The following GSPT1 variants were observed in gnomAD, a reference collection of about 807,000 sequenced individuals.
The protein encoded by GSPT1 is eukaryotic peptide chain release factor GTP-binding subunit ERF3A.
Under a neutral mutation model 72.5 loss-of-function variants are expected in GSPT1, and 20 were observed. The ratio of observed to expected loss-of-function variants is 0.28; its 90% CI spans 0.19 to 0.40. GSPT1 has a LOEUF of 0.40. Among genes scored for constraint, GSPT1 ranks in the 10% least tolerant of loss-of-function variants. The pLI is 1.00. For synonymous variants in GSPT1, 334 were observed against 293.5 expected (o/e 1.14, Z -1.41); for missense variants, 580 against 811.9 (o/e 0.71, Z 3.47).
rs933816763 is a variant in GSPT1 at position 11,895,158 on chromosome 16, C to G, written c.665-171G>C. 28 of 524,298 alleles carry G rather than the reference C, an allele frequency of 5.3e-5. No individual in the cohort carries two copies. In the Admixed American group the frequency reaches 8.5e-4, roughly 16 times the overall value. The allele number at this position is 524,298 out of a possible 1,614,324, so 32.5% of individuals were successfully genotyped here. A position where few individuals can be genotyped will look rare whatever the true frequency, so the allele number is the denominator to read the frequency against. ...TGAAAATGAGCCTCAAGGCTGGGCT[C>G]GGTGGCTCACGCCTGTAATTCCAGC... On this transcript the variant is annotated intron_variant, in intron 4 of 14. Coordinates refer to ENST00000434724, the MANE Select transcript of GSPT1 (RefSeq NM_002094.4).
chr16:11,907,641 G>C (rs2054505732), intron 1 of GSPT1, among the ~76,000 whole-genome samples: 1 of 152,184 alleles, frequency 6.6e-6, no homozygotes, highest in Non-Finnish European at 1.5e-5. Flanking sequence ...TGATGTGGCA[G>C]ATCAAGCACT....
intron 4 of GSPT1, among the ~76,000 whole-genome samples, 180 bp downstream of exon 4, chr16:11,896,378 G>A (rs1042537973): frequency 2.0e-5 from 3 of 152,032 alleles, no homozygotes; most frequent in Admixed American, 6.6e-5. Context: ...TTATTCATTT[G>A]CCTAAACTTC....
Position 11,872,597 on chromosome 16 carries a change from T to A in GSPT1, c.*522A>T, listed in dbSNP as rs2053991236. On this transcript the variant is annotated 3_prime_UTR_variant, in exon 15 of 15. Coordinates refer to ENST00000434724, the MANE Select transcript of GSPT1 (RefSeq NM_002094.4). ...AAGTAATAAAATGTATTCAATTACT[T>A]GGGAAAGTTAAAAAGCTAATGCAAC... The A allele has an allele frequency of 6.6e-6, 1 of 152,196 alleles. No individual in the cohort carries two copies. The highest frequency in any genetic ancestry group is 6.5e-5 in the Admixed American group (1 of 15,276). 9.4% of individuals were successfully genotyped at this position (152,196 alleles called of 1,614,324 possible). A position where few individuals can be genotyped will look rare whatever the true frequency, so the allele number is the denominator to read the frequency against.
intron 14 of GSPT1, among the ~76,000 whole-genome samples, chr16:11,874,976 G>A (rs934981314): frequency 3.3e-5 from 5 of 152,202 alleles, no homozygotes; most frequent in African/African-American, 1.2e-4. Context: ...CGGATCACGA[G>A]GTCAGGAGAT....
At chr16:11,879,738 C>CAAAAAAAAAAAA (rs1195456490) in intron 11 of GSPT1, among the ~76,000 whole-genome samples, 2 of 84,308 alleles carry the variant, frequency 2.4e-5, no homozygotes, top group Non-Finnish European at 5.1e-5. Flanking sequence ...GACTCCGTCT[C>CAAAAAAAAAAAA]AAAAAAAAAA....
chr16:11,880,167 G>A (rs2054104377), intron 11 of GSPT1: 1 of 152,556 alleles, frequency 6.6e-6, no homozygotes, highest in Admixed American at 6.5e-5. Flanking sequence ...GCCTGTGTCA[G>A]AACTTCCTTT....
At chr16:11,900,165 C>G (rs1054761028) in intron 1 of GSPT1, among the ~76,000 whole-genome samples, 2 of 151,924 alleles carry the variant, frequency 1.3e-5, no homozygotes, top group Non-Finnish European at 2.9e-5. Flanking sequence ...AAAACCCTGT[C>G]TCTACTGAAA....
At chr16:11,916,482 C>T (rs776251486), upstream of GSPT1, among the ~76,000 whole-genome samples, 26 of 152,242 alleles carry the variant, frequency 1.7e-4, no homozygotes, top group Admixed American at 3.3e-4. Context: ...GCGTTCTCTG[C>T]CTCACAGTCT....
intron 1 of GSPT1, chr16:11,908,259 A>G (rs1226571691): frequency 6.6e-6 from 1 of 152,136 alleles, no homozygotes; most frequent in Admixed American, 6.6e-5. Flanking sequence ...AAAAGAAACA[A>G]AAAACCATTT....
chr16:11,899,915 G>T (rs1350849637), intron 1 of GSPT1, among the ~76,000 whole-genome samples: 9 of 152,146 alleles, frequency 5.9e-5, no homozygotes, highest in Non-Finnish European at 1.2e-4. Flanking sequence ...TGAGAGGATT[G>T]TTGAGGAGTT....
chr16:11,875,998 G>A (rs1473054867), intron 13 of GSPT1, 69 bp from the exon 14 acceptor site: 1 of 1,490,576 alleles, frequency 6.7e-7, no homozygotes, highest in African/African-American at 1.4e-5. Flanking sequence ...AACAGGTGTA[G>A]AAATAAAAGT....
In GSPT1 at chr16:11,915,675, C is replaced by A; in HGVS notation, c.46G>T (p.Gly16Trp). The A allele has an allele frequency of 1.2e-6, 1 of 828,178 alleles. No homozygotes were observed. Among genetic ancestry groups the A allele is most frequent in the Non-Finnish European group, 1.6e-6 (1 of 631,712 alleles). 51.3% of individuals were successfully genotyped at this position (828,178 alleles called of 1,614,324 possible). ...CTGCTGCTGCTGCCGCTGCTGCTCCCGCCGCCGCCGCCGCCGCCGCCGCCG... is the reference window on the plus strand; with the variant it reads ...CTGCTGCTGCTGCCGCTGCTGCTCCAGCCGCCGCCGCCGCCGCCGCCGCCG... The part of the protein sequence containing the change: ...GGGGGGGGGG[G>W]SSSGSSSSDS... The change falls in exon 1 of 15, where the codon GGG becomes TGG. Residue 16 changes from glycine (G) to tryptophan (W), a missense_variant. Gly to Trp is a radical substitution (Grantham distance 184). This residue lies in a region of GSPT1 where 327 missense variants were observed against 298.8 expected (regional missense o/e 1.09). Coordinates refer to ENST00000434724, the MANE Select transcript of GSPT1 (RefSeq NM_002094.4).
At position 11,877,757 on chromosome 16, in the gene GSPT1, G is replaced by T. The variant is rs1025379161; in HGVS notation, c.1429-177C>A. ...GATCAGCAAAAATCATATCCTAGAA[G>T]TATAACTGCCAATTAAAGTATTAAC... On this transcript the variant is annotated intron_variant, in intron 11 of 14. Coordinates refer to ENST00000434724, the MANE Select transcript of GSPT1 (RefSeq NM_002094.4). This position sits in a 1 kb window ranked among gnomAD's most constrained non-coding sequence, Gnocchi z 4.0. 2.0e-5 allele frequency among the ~76,000 whole-genome samples: 3 copies of T among 152,194 alleles called. No homozygotes were observed. Among genetic ancestry groups the T allele is most frequent in the African/African-American group, 4.8e-5 (2 of 41,452 alleles).
chr16:11,907,190 AAC>A (rs2054500511), intron 1 of GSPT1, among the ~76,000 whole-genome samples: 1 of 152,246 alleles, frequency 6.6e-6, no homozygotes, highest in African/African-American at 2.4e-5. Flanking sequence ...ACTGAGACAG[AAC>A]ACAGAGAAAT....
Position 11,894,996 on chromosome 16 carries a change from A to T in GSPT1, c.665-9T>A. On this transcript the variant is annotated splice_polypyrimidine_tract_variant and intron_variant, in intron 4 of 14. Coordinates refer to ENST00000434724, the MANE Select transcript of GSPT1 (RefSeq NM_002094.4). Reference sequence around the variant, plus strand: ...GGTTGACTTGCCAGCATCTAAAAGTAACATCAACATGCAAACCATAGGTTA... The same window carrying T: ...GGTTGACTTGCCAGCATCTAAAAGTTACATCAACATGCAAACCATAGGTTA... 6.3e-7 allele frequency: 1 copy of T among 1,580,982 alleles called. No homozygotes were observed. The highest frequency in any genetic ancestry group is 8.6e-7 in the Non-Finnish European group (1 of 1,156,418).
rs528558942 is a variant in GSPT1, at chr16:11,877,027, A to T, written c.1602+380T>A. Reference sequence around the variant, plus strand: ...TTCTCCCAGGGAGGTTAGATTGTTAATAACAGGGAAACCTGTGTGATTTCT... The same window carrying T: ...TTCTCCCAGGGAGGTTAGATTGTTATTAACAGGGAAACCTGTGTGATTTCT... On this transcript the variant is annotated intron_variant, in intron 12 of 14. Transcript: ENST00000434724. The surrounding 1 kb of genome is among the most constrained non-coding windows in gnomAD (Gnocchi z 4.0). 1.3e-5 allele frequency among the ~76,000 whole-genome samples: 2 copies of T among 152,358 alleles called. No homozygotes were observed. The highest frequency in any genetic ancestry group is 4.8e-5 in the African/African-American group (2 of 41,586).
At chr16:11,895,904 C>T (rs927778185) in intron 4 of GSPT1, among the ~76,000 whole-genome samples, 7 of 152,326 alleles carry the variant, frequency 4.6e-5, no homozygotes, top group East Asian at 1.9e-4. Flanking sequence ...GGATTACAGG[C>T]GCCAGCCACA....
In GSPT1 at chr16:11,915,648, C is replaced by CGCTGCT. The variant is rs1243988404; in HGVS notation, c.67_72dup (p.Ser23_Ser24dup). The CGCTGCT allele has an allele frequency of 2.3e-5, 34 of 1,483,254 alleles. No homozygotes were observed. The highest frequency in any genetic ancestry group is 2.9e-5 in the Non-Finnish European group (33 of 1,120,872). The allele number at this position is 1,483,254 out of a possible 1,614,324, so 91.9% of individuals were successfully genotyped here. A position where few individuals can be genotyped will look rare whatever the true frequency, so the allele number is the denominator to read the frequency against. ...TGGTCCCAGCAGTCAGGCGCCGAGT[C>CGCTGCT]GCTGCTGCTGCTGCCGCTGCTGCTC... On this transcript the variant is annotated inframe_insertion, in exon 1 of 15. Coordinates refer to ENST00000434724, the MANE Select transcript of GSPT1 (RefSeq NM_002094.4).
At chr16:11,902,801 G>A (rs1034133346) in intron 1 of GSPT1, among the ~76,000 whole-genome samples, 1 of 151,876 alleles carries the variant, frequency 6.6e-6, no homozygotes, top group Non-Finnish European at 1.5e-5. Context: ...TTGCCAGGCT[G>A]GTCTCAAACT....
Sources: gnomAD v4.1 joint callset for allele counts (sites outside exome capture counted in the v4.1 genomes callset) on GRCh38, gnomAD v4.1.1 for gene constraint, gnomAD v4.1.1 regional missense constraint, Gnocchi (gnomAD v3.1) non-coding constraint, MANE v1.5 for transcripts, NCBI Gene and HGNC (gene_info 2026-07-23, HGNC 2026-07-21) for gene names.